Variants in SLC4A8 observed in about 807,000 individuals in gnomAD.
SLC4A8 encodes the protein solute carrier family 4 member 8, also known as electroneutral sodium bicarbonate exchanger 1.
SLC4A8 carries 40 observed loss-of-function variants against 125.0 expected under a neutral mutation model. The ratio of observed to expected loss-of-function variants is 0.32; its 90% CI spans 0.25 to 0.42. The LOEUF is 0.42. Among genes scored for constraint, SLC4A8 ranks in the 10% least tolerant of loss-of-function variants. SLC4A8 has a pLI of 1.00. For synonymous variants in SLC4A8, 456 were observed against 476.0 expected (o/e 0.96, Z 0.55); for missense variants, 863 against 1,355.1 (o/e 0.64, Z 5.70).
At chr12:51,496,149 G>C (rs1277560863) in intron 21 of SLC4A8, among the ~76,000 whole-genome samples, 1 of 152,196 alleles carries the variant, frequency 6.6e-6, no homozygotes, top group Non-Finnish European at 1.5e-5. Flanking sequence ...ATAAATAGCA[G>C]ATTACTGGGA....
rs1174293271 is a variant in SLC4A8 at position 51,485,861 on chromosome 12, A to C, written c.2247A>C (p.Gly749=). The change falls in exon 17 of 25, where the codon GGA becomes GGC. Residue 749 remains glycine, a synonymous_variant. Coordinates refer to ENST00000453097, the MANE Select transcript of SLC4A8 (RefSeq NM_001039960.3). ...TGGTGATTATTGATTTTTTGATTGG[A>C]GTCCCATCACCAAAGCTTCAAGTTC... The part of the protein sequence containing the change: ...FTMVIIDFLI[G]VPSPKLQVPS... 61 of 1,612,828 alleles carry C rather than the reference A, an allele frequency of 3.8e-5. No individual in the cohort carries two copies. Among genetic ancestry groups the C allele is most frequent in the Non-Finnish European group, 5.1e-5 (60 of 1,178,978 alleles).
chr12:51,444,083 G>A (rs934977742), intron 2 of SLC4A8, among the ~76,000 whole-genome samples: 2 of 152,038 alleles, frequency 1.3e-5, no homozygotes, highest in Admixed American at 1.3e-4. Flanking sequence ...TTGGAAAAAA[G>A]AATGACGAGT....
intron 1 of SLC4A8, chr12:51,403,287 CAT>C (rs1176098703): frequency 6.6e-6 from 3 of 454,468 alleles, no homozygotes; most frequent in Non-Finnish European, 1.3e-5. Context: ...GTGGAGCCAA[CAT>C]GTGAGTTTCT....
At chr12:51,413,894 G>C (rs1444142628) in intron 1 of SLC4A8, among the ~76,000 whole-genome samples, 1 of 151,976 alleles carries the variant, frequency 6.6e-6, no homozygotes, top group Non-Finnish European at 1.5e-5. Context: ...GGATTGCTTT[G>C]GCTATTTGGG....
intron 19 of SLC4A8, 39 bp downstream of exon 19, chr12:51,489,990 C>T (rs1951266399): frequency 6.3e-7 from 1 of 1,596,342 alleles, no homozygotes; most frequent in African/African-American, 1.3e-5. Context: ...TATCAAGGGC[C>T]TGATTTGTGC....
intron 16 of SLC4A8, among the ~76,000 whole-genome samples, chr12:51,475,648 C>A (rs1167420201): frequency 6.6e-6 from 1 of 152,172 alleles, no homozygotes; most frequent in South Asian, 2.1e-4. Flanking sequence ...AAATCACTGG[C>A]GACACTGACT....
chr12:51,489,247 C>A (rs977283017), intron 18 of SLC4A8, among the ~76,000 whole-genome samples: 1 of 152,062 alleles, frequency 6.6e-6, no homozygotes, highest in Admixed American at 6.5e-5. Context: ...GTTTCTAGGC[C>A]GAAACTGGAA....
intron 24 of SLC4A8, 95 bp from the exon 25 acceptor site, chr12:51,507,331 A>G: frequency 1.3e-6 from 1 of 779,516 alleles, no homozygotes; most frequent in Non-Finnish European, 1.9e-6. Flanking sequence ...AAATATAGCC[A>G]GATCCAAATT....
At chr12:51,474,591 T>C in intron 15 of SLC4A8, 144 bp downstream of exon 15, 3 of 1,393,852 alleles carry the variant, frequency 2.2e-6, no homozygotes, top group Non-Finnish European at 9.5e-7. Context: ...TTACTCACTT[T>C]CTTTTATCCT....
At chr12:51,432,941 A>G (rs1949244984) in intron 1 of SLC4A8, among the ~76,000 whole-genome samples, 1 of 152,200 alleles carries the variant, frequency 6.6e-6, no homozygotes, top group Non-Finnish European at 1.5e-5. Flanking sequence ...GACCTACTGC[A>G]GGAAAGGAGG....
intron 1 of SLC4A8, among the ~76,000 whole-genome samples, chr12:51,409,547 TA>T (rs1948557546): frequency 6.6e-6 from 1 of 152,182 alleles, no homozygotes; most frequent in South Asian, 2.1e-4. Context: ...TTCTTTTTGA[TA>T]TTTTTAAAGA....
intron 1 of SLC4A8, among the ~76,000 whole-genome samples, chr12:51,428,750 A>G (rs1361548592): frequency 1.3e-5 from 2 of 152,114 alleles, no homozygotes; most frequent in Non-Finnish European, 2.9e-5. Flanking sequence ...GTTAACTTTT[A>G]TTGAATGCTT....
intron 1 of SLC4A8, among the ~76,000 whole-genome samples, chr12:51,401,165 C>T (rs568932734): frequency 1.3e-5 from 2 of 152,256 alleles, no homozygotes; most frequent in African/African-American, 4.8e-5. Flanking sequence ...TTAGTGTTTA[C>T]AGCTCCTAGC....
Position 51,474,403 on chromosome 12 carries a change from A to C in SLC4A8, c.1966A>C (p.Asn656His). The stretch of plus-strand genomic sequence containing the variant: ...CACCCTCCAGTACTGGAAGGACCAC[A>C]ACATCGTGACAGCAGAAGTCCACTG... ...NHTLQYWKDH[N>H]IVTAEVHWAN... Residue 656 changes from asparagine to histidine, a missense_variant, in exon 15 of 25, where the codon AAC becomes CAC. Transcript: ENST00000453097. The C allele has an allele frequency of 6.2e-7, 1 of 1,613,718 alleles. No homozygotes were observed.
At position 51,463,578 on chromosome 12, in the gene SLC4A8, G is replaced by A. The variant is rs761028360; in HGVS notation, c.1249-36G>A. The A allele has an allele frequency of 2.7e-6, 4 of 1,497,184 alleles. No homozygotes were observed. In the South Asian group the frequency reaches 3.4e-5, roughly 13 times the overall value. 92.7% of individuals were successfully genotyped at this position (1,497,184 alleles called of 1,614,324 possible). ...CTGATAGCAGGACGAAAAGATAGAT[G>A]TTACCTTTACTAATTTTGTGGTCTT... On this transcript the variant is annotated intron_variant, in intron 10 of 24. Transcript: ENST00000453097.
chr12:51,442,493 G>A (rs374921202), intron 2 of SLC4A8, among the ~76,000 whole-genome samples: 50 of 152,170 alleles, frequency 3.3e-4, no homozygotes, highest in African/African-American at 1.2e-3. Flanking sequence ...TTCCATCCAC[G>A]GAGATCAGCT....
Position 51,435,332 on chromosome 12 carries a change from T to A in SLC4A8, c.49-5376T>A, listed in dbSNP as rs146139348. ...CTCCCATAATGAGAAGCTTTTCTCATCTACTCTGTGGTACCACTCTATGGT... is the reference window on the plus strand; with the variant it reads ...CTCCCATAATGAGAAGCTTTTCTCAACTACTCTGTGGTACCACTCTATGGT... On this transcript the variant is annotated intron_variant, in intron 1 of 24. Transcript: ENST00000453097. 4.8e-4 allele frequency among the ~76,000 whole-genome samples: 73 copies of A among 152,336 alleles called. No homozygotes were observed. The Middle Eastern group carries it at 0.02, about 43-fold the overall frequency.
chr12:51,488,626 G>A (rs1951222600), intron 17 of SLC4A8, 73 bp from the exon 18 acceptor site: 1 of 968,394 alleles, frequency 1.0e-6, no homozygotes. Context: ...TATGGATATT[G>A]TGATCCAGTT....
At chr12:51,478,874 A>G (rs1463831010) in intron 16 of SLC4A8, among the ~76,000 whole-genome samples, 1 of 152,228 alleles carries the variant, frequency 6.6e-6, no homozygotes, top group Non-Finnish European at 1.5e-5. Context: ...GCAGTGTCCA[A>G]GGCCCATGGC....
Sources: gnomAD v4.1 joint callset for allele counts (sites outside exome capture counted in the v4.1 genomes callset) on GRCh38, gnomAD v4.1.1 for gene constraint, MANE v1.5 for transcripts, NCBI Gene and HGNC (gene_info 2026-07-23, HGNC 2026-07-21) for gene names.